Variants in LMX1A observed in about 807,000 individuals in gnomAD.
LMX1A encodes LIM homeobox transcription factor 1-alpha.
In LMX1A, 15 loss-of-function variants were observed where a neutral mutation model predicts 49.1. That is an observed-to-expected ratio of 0.31 (90% CI 0.20 to 0.47). The LOEUF (loss-of-function observed/expected upper bound fraction) is 0.47. LMX1A is among the 20% of genes least tolerant of loss of function. LMX1A has a pLI of 1.00. For synonymous variants in LMX1A, 167 were observed against 185.7 expected (o/e 0.90, Z 0.82); for missense variants, 372 against 475.8 (o/e 0.78, Z 2.03).
Position 165,355,459 on chromosome 1 carries a change from C to T in LMX1A, c.76+25G>A, listed in dbSNP as rs763548076. 6.2e-6 allele frequency: 10 copies of T among 1,612,226 alleles called. No homozygotes were observed. Among genetic ancestry groups the T allele is most frequent in the Non-Finnish European group, 8.5e-6 (10 of 1,178,836 alleles). On this transcript the variant is annotated intron_variant, in intron 2 of 8. Coordinates refer to ENST00000342310, the MANE Select transcript of LMX1A (RefSeq NM_177398.4). The surrounding 1 kb of genome is among the most constrained non-coding windows in gnomAD (Gnocchi z 4.7). ...GCGCCAAGCGGAAAGAGAGTGCGCC[C>T]AGGACGCACGGCCTGAACACTCACC...
chr1:165,208,669 C>T (rs538257802), intron 6 of LMX1A, among the ~76,000 whole-genome samples: 23 of 150,076 alleles, frequency 1.5e-4, no homozygotes, highest in African/African-American at 5.7e-4. Context: ...GACGGAGTCT[C>T]GCTCTGTCAC....
At chr1:165,323,680 C>T (rs1542883) in intron 3 of LMX1A, among the ~76,000 whole-genome samples, 130,905 of 152,140 alleles carry the variant, frequency 0.86, 57,123 homozygotes, top group East Asian at 0.94. Context: ...TCTAGAAAAC[C>T]TCCCCCTCCC....
chr1:165,355,699 G>A lies in LMX1A; in HGVS notation c.-22-118C>T. The stretch of plus-strand genomic sequence containing the variant: ...TGTCCAGGGCGACCAGAATCAGCCA[G>A]GAGGATAGGGTCCAGCCAAGAGAAT... On this transcript the variant is annotated intron_variant, in intron 1 of 8. Transcript: ENST00000342310. The surrounding 1 kb of genome is among the most constrained non-coding windows in gnomAD (Gnocchi z 4.7). 1 of 717,056 alleles carries A rather than the reference G, an allele frequency of 1.4e-6. No individual in the cohort carries two copies. The highest frequency in any genetic ancestry group is 1.7e-5 in the South Asian group (1 of 57,850). 44.4% of individuals were successfully genotyped at this position (717,056 alleles called of 1,614,324 possible).
chr1:165,317,275 A>G (rs1279728608), intron 3 of LMX1A, among the ~76,000 whole-genome samples: 1 of 152,240 alleles, frequency 6.6e-6, no homozygotes, highest in Non-Finnish European at 1.5e-5. Flanking sequence ...TAGAATTAAT[A>G]CATATGCTCC....
chr1:165,251,231 T>C (rs190794170), intron 3 of LMX1A, among the ~76,000 whole-genome samples: 95 of 152,186 alleles, frequency 6.2e-4, no homozygotes, highest in African/African-American at 2.2e-3. Context: ...TAAAGGTGCA[T>C]GTCACCATGC....
At chr1:165,343,960 AC>A (rs1333812169) in intron 3 of LMX1A, among the ~76,000 whole-genome samples, 1 of 152,232 alleles carries the variant, frequency 6.6e-6, no homozygotes, top group Non-Finnish European at 1.5e-5. Context: ...TTATTTCATA[AC>A]ATTCTCCCAA....
rs561703199 is a variant in LMX1A at position 165,210,736 on chromosome 1, C to T, written c.710G>A (p.Arg237His). 3 of 1,613,958 alleles carry T rather than the reference C, an allele frequency of 1.9e-6. No individual in the cohort carries two copies. The highest frequency in any genetic ancestry group is 2.2e-5 in the East Asian group (1 of 44,878). The change falls in exon 6 of 9, where the codon CGT (arginine) becomes CAT (histidine). Residue 237 changes from arginine to histidine, a missense_variant. Coordinates refer to ENST00000342310, the MANE Select transcript of LMX1A (RefSeq NM_177398.4). ...GTTTTGGAACCACACCTGGACGACA[C>T]GGACACTCAGCCCTGTCTCTGCAGC... ...TLAAETGLSV[R>H]VVQVWFQNQR...
Position 165,215,742 on chromosome 1 carries a change from G to A in LMX1A, c.497-1929C>T, listed in dbSNP as rs1469170845. On this transcript the variant is annotated intron_variant, in intron 4 of 8. Transcript: ENST00000342310. ...CTAAATTGTGAGTTCCTGAGGACAT[G>A]ACCCTTTCAATATAAATGAAAAGGG... Among the ~76,000 whole-genome samples the A allele has an allele frequency of 2.0e-5, 3 of 152,178 alleles. No individual in the cohort carries two copies. The East Asian group carries it at 5.8e-4, about 29-fold the overall frequency.
At chr1:165,302,366 C>T (rs1204795365) in intron 3 of LMX1A, among the ~76,000 whole-genome samples, 1 of 151,844 alleles carries the variant, frequency 6.6e-6, no homozygotes, top group East Asian at 1.9e-4. Flanking sequence ...GTTGCTTGAA[C>T]CCAGGAGATG....
intron 4 of LMX1A, among the ~76,000 whole-genome samples, chr1:165,235,123 G>T (rs979929079): frequency 6.6e-6 from 1 of 151,038 alleles, no homozygotes; most frequent in Non-Finnish European, 1.5e-5. Context: ...GATTTCTCAA[G>T]GTTGGGGCAT....
At chr1:165,294,596 G>C (rs185058217) in intron 3 of LMX1A, among the ~76,000 whole-genome samples, 1 of 152,222 alleles carries the variant, frequency 6.6e-6, no homozygotes, top group East Asian at 1.9e-4. Context: ...TATTGCCTAA[G>C]TTTGTTTATT....
At chr1:165,335,992 T>C (rs1295298100) in intron 3 of LMX1A, among the ~76,000 whole-genome samples, 1 of 152,080 alleles carries the variant, frequency 6.6e-6, no homozygotes, top group Non-Finnish European at 1.5e-5. Context: ...CTGCAATTGG[T>C]TGGTATTGCT....
intron 7 of LMX1A, among the ~76,000 whole-genome samples, 187 bp from the exon 8 acceptor site, chr1:165,206,221 T>C (rs1050067990): frequency 6.6e-6 from 1 of 152,194 alleles, no homozygotes; most frequent in African/African-American, 2.4e-5. Context: ...GCTGGGATGT[T>C]GAACTTTGAG....
intron 3 of LMX1A, among the ~76,000 whole-genome samples, chr1:165,295,395 G>T (rs189871682): frequency 6.7e-6 from 1 of 149,050 alleles, no homozygotes; most frequent in Admixed American, 6.7e-5. Flanking sequence ...GTAATAAATA[G>T]GTAGCCCTAT....
At chr1:165,292,023 C>A (rs534795120) in intron 3 of LMX1A, among the ~76,000 whole-genome samples, 1 of 141,712 alleles carries the variant, frequency 7.1e-6, no homozygotes, top group African/African-American at 2.6e-5. Context: ...GATCGCGCCA[C>A]TGCACTCCAG....
intron 3 of LMX1A, among the ~76,000 whole-genome samples, chr1:165,256,742 GAA>G (rs1653254014): frequency 6.6e-6 from 1 of 151,958 alleles, no homozygotes; most frequent in Admixed American, 6.6e-5. Context: ...CAGGAGTTGA[GAA>G]GCCTCCTCTG....
chr1:165,329,293 C>T (rs1655672758), intron 3 of LMX1A, among the ~76,000 whole-genome samples: 1 of 152,172 alleles, frequency 6.6e-6, no homozygotes, highest in Non-Finnish European at 1.5e-5. Flanking sequence ...CCAGGTCTCG[C>T]CCTCGACATG....
At chr1:165,257,608 G>C (rs1356454483) in intron 3 of LMX1A, among the ~76,000 whole-genome samples, 1 of 152,196 alleles carries the variant, frequency 6.6e-6, no homozygotes, top group East Asian at 1.9e-4. Context: ...ACTCCAAAGA[G>C]ATTGGGAAAC....
rs150024468 is a variant in LMX1A at position 165,259,399 on chromosome 1, A to AT, written c.264-9760dup. Among the ~76,000 whole-genome samples the AT allele has an allele frequency of 2.6e-3, 391 of 152,362 alleles. 1 individual carries two copies. Among genetic ancestry groups the AT allele is most frequent in the African/African-American group, 8.7e-3 (362 of 41,590 alleles). On this transcript the variant is annotated intron_variant, in intron 3 of 8. Transcript: ENST00000342310. ...ATATGTTCAGGAAGTTGTCAGCTCCATGTTTAGCCAACCAGAGCCAACAGT... is the reference window on the plus strand; with the variant it reads ...ATATGTTCAGGAAGTTGTCAGCTCCATTGTTTAGCCAACCAGAGCCAACAGT...
Sources: gnomAD v4.1 joint callset for allele counts (sites outside exome capture counted in the v4.1 genomes callset) on GRCh38, gnomAD v4.1.1 for gene constraint, Gnocchi (gnomAD v3.1) non-coding constraint, MANE v1.5 for transcripts, NCBI Gene and HGNC (gene_info 2026-07-23, HGNC 2026-07-21) for gene names.